The following DNMBP variants were observed in gnomAD, a reference collection of about 807,000 sequenced individuals.
The protein encoded by DNMBP is dynamin-binding protein.
In DNMBP, 87 loss-of-function variants were observed where a neutral mutation model predicts 150.0. That is an observed-to-expected ratio of 0.58 (90% CI 0.49 to 0.69). DNMBP has a LOEUF of 0.69. Among genes scored for constraint, DNMBP ranks in the 30% least tolerant of loss-of-function variants. The probability of loss-of-function intolerance (pLI) is 0.00; values close to 1 mark genes in which losing one functional copy is unlikely to be tolerated. For synonymous variants in DNMBP, 711 were observed against 750.4 expected, an observed-to-expected ratio of 0.95 and a Z score of 0.86; for missense variants, 1,774 against 1,949.0, an observed-to-expected ratio of 0.91 and a Z score of 1.69.
At chr10:99,906,969 A>G (rs1429082559) in intron 6 of DNMBP, among the ~76,000 whole-genome samples, 3 of 152,254 alleles carry the variant, frequency 2.0e-5, no homozygotes, top group Non-Finnish European at 4.4e-5. Flanking sequence ...AATGTCCCAC[A>G]TAAATGTATT....
rs113289059 is a variant in DNMBP, at chr10:99,950,109, T to C, written c.2260+5105A>G. On this transcript the variant is annotated intron_variant, in intron 4 of 16. Coordinates refer to ENST00000324109, the MANE Select transcript of DNMBP (RefSeq NM_015221.4). ...AATTGAATCATGGGGGGCAGGTCTT[T>C]CCTGTGCTGTTCTCGTGACTGAATA... Among the ~76,000 whole-genome samples, 1,340 of 152,228 alleles carry C rather than the reference T, an allele frequency of 8.8e-3. 19 individuals carry two copies. The highest frequency in any genetic ancestry group is 0.029 in the African/African-American group (1,224 of 41,530).
chr10:99,915,108 A>AAAATATATATATAT (rs10654940), intron 4 of DNMBP, among the ~76,000 whole-genome samples: 1 of 99,804 alleles, frequency 1.0e-5, no homozygotes, highest in African/African-American at 4.4e-5. Flanking sequence ...AAAAAAAAAA[A>AAAATATATATATAT]ATATATATAT....
At chr10:99,942,215 A>G (rs1439901267) in intron 4 of DNMBP, among the ~76,000 whole-genome samples, 2 of 152,212 alleles carry the variant, frequency 1.3e-5, no homozygotes, top group Non-Finnish European at 2.9e-5. Context: ...ATTATTTTTC[A>G]GAAGGTTTTC....
intron 12 of DNMBP, among the ~76,000 whole-genome samples, chr10:99,887,383 C>A (rs1196513722): frequency 1.3e-5 from 2 of 152,000 alleles, no homozygotes; most frequent in Non-Finnish European, 2.9e-5. Flanking sequence ...AAAAATTAGG[C>A]AGGTATGGTG....
chr10:99,951,867 T>A (rs1649536709), intron 4 of DNMBP, among the ~76,000 whole-genome samples: 1 of 152,158 alleles, frequency 6.6e-6, no homozygotes, highest in African/African-American at 2.4e-5. Flanking sequence ...GGGGGACTGT[T>A]GGGAAGGCAT....
chr10:99,941,283 C>T (rs1749785899), intron 4 of DNMBP, among the ~76,000 whole-genome samples: 1 of 152,160 alleles, frequency 6.6e-6, no homozygotes, highest in African/African-American at 2.4e-5. Flanking sequence ...CTTCCATATT[C>T]CTAAAGATTG....
chr10:99,892,189 C>G (rs1322096458), intron 11 of DNMBP, among the ~76,000 whole-genome samples: 1 of 146,864 alleles, frequency 6.8e-6, no homozygotes, highest in African/African-American at 2.6e-5. Context: ...CAGCCCCCTG[C>G]CCGGCCAGCC....
chr10:99,983,317 C>G (rs2040797784), intron 1 of DNMBP, among the ~76,000 whole-genome samples: 2 of 152,154 alleles, frequency 1.3e-5, no homozygotes, highest in African/African-American at 4.8e-5. Flanking sequence ...TACAAGAGCT[C>G]ATACAAGACA....
At chr10:99,915,404 T>C (rs116315113) in intron 4 of DNMBP, among the ~76,000 whole-genome samples, 1 of 144,616 alleles carries the variant, frequency 6.9e-6, no homozygotes, top group African/African-American at 2.6e-5. Context: ...ACAAAATAAT[T>C]AAAAAAAAAA....
chr10:99,882,909 T>TACAA (rs952268449), intron 15 of DNMBP, among the ~76,000 whole-genome samples: 1 of 151,796 alleles, frequency 6.6e-6, no homozygotes, highest in South Asian at 2.1e-4. Context: ...CTACAAAAAA[T>TACAA]ACAAACAGTT....
intron 4 of DNMBP, among the ~76,000 whole-genome samples, chr10:99,921,688 T>C (rs1389391590): frequency 8.9e-6 from 1 of 112,620 alleles, no homozygotes; most frequent in Non-Finnish European, 2.1e-5. Flanking sequence ...ACTCTGTCTC[T>C]ACTGAAAAAA....
chr10:99,953,842 C>T (rs12412659), intron 4 of DNMBP, among the ~76,000 whole-genome samples: 67,966 of 148,070 alleles, frequency 0.46, 16,607 homozygotes, highest in African/African-American at 0.62. Flanking sequence ...AAGAAATCTA[C>T]TCTCTGGACA....
intron 4 of DNMBP, among the ~76,000 whole-genome samples, chr10:99,950,029 C>T (rs1177371012): frequency 6.6e-6 from 1 of 152,166 alleles, no homozygotes; most frequent in Non-Finnish European, 1.5e-5. Flanking sequence ...GCTGTGTCCC[C>T]ACCCAAATCC....
rs969610012 is a variant in DNMBP at position 99,888,905 on chromosome 10, A to G, written c.3205T>C (p.Cys1069Arg). Residue 1069 changes from cysteine (C) to arginine (R), a missense_variant, in exon 12 of 17, where the codon TGC becomes CGC. Physicochemically the swap from Cys to Arg is radical, Grantham distance 180. This residue lies in a region of DNMBP where 1,430 missense variants were observed against 1,492.5 expected (regional missense o/e 0.96). Coordinates refer to ENST00000324109, the MANE Select transcript of DNMBP (RefSeq NM_015221.4). ...AGGTCCCGGTGTCCTCTCTCCATGCACACATCCCACATGCTCACAGCAGCC... is the reference window on the plus strand; with the variant it reads ...AGGTCCCGGTGTCCTCTCTCCATGCGCACATCCCACATGCTCACAGCAGCC... Reference protein sequence around the residue: ...VVAAVSMWDVCMERGHRDLEQ... With the variant: ...VVAAVSMWDVRMERGHRDLEQ... 1.2e-6 allele frequency: 2 copies of G among 1,614,174 alleles called. No individual in the cohort carries two copies. Among genetic ancestry groups the G allele is most frequent in the South Asian group, 1.1e-5 (1 of 91,082 alleles).
intron 1 of DNMBP, among the ~76,000 whole-genome samples, chr10:99,992,790 T>G (rs1372970574): frequency 6.6e-6 from 1 of 152,118 alleles, no homozygotes; most frequent in Non-Finnish European, 1.5e-5. Flanking sequence ...CCTCCCAAAG[T>G]GCTGGGATTA....
chr10:99,917,691 C>T (rs978736487), intron 4 of DNMBP, among the ~76,000 whole-genome samples: 5 of 152,046 alleles, frequency 3.3e-5, no homozygotes, highest in South Asian at 2.1e-4. Context: ...AGGGGCTGGG[C>T]GCGGTGGCTC....
chr10:99,898,361 A>T (rs1385001544), intron 8 of DNMBP, 76 bp from the exon 9 acceptor site: 1 of 1,311,978 alleles, frequency 7.6e-7, no homozygotes, highest in South Asian at 1.2e-5. Flanking sequence ...GTGAGACCCC[A>T]CCTTAAAAAA....
intron 1 of DNMBP, among the ~76,000 whole-genome samples, chr10:100,004,849 G>A (rs908182586): frequency 2.0e-5 from 3 of 152,184 alleles, no homozygotes; most frequent in South Asian, 2.1e-4. Flanking sequence ...ATGCCCAAAT[G>A]AGAAGACATC....
At chr10:99,877,383 C>T (rs1028698238) in intron 16 of DNMBP, 47 bp from the exon 17 acceptor site, 1 of 1,503,326 alleles carries the variant, frequency 6.7e-7, no homozygotes, top group South Asian at 1.3e-5. Context: ...GGAGCAATGC[C>T]ATCCAACAGC....
Sources: allele counts gnomAD v4.1 joint callset (sites outside exome capture counted in the v4.1 genomes callset), GRCh38; gene constraint gnomAD v4.1.1; regional missense constraint gnomAD v4.1.1; transcripts MANE v1.5; gene names NCBI Gene and HGNC (gene_info 2026-07-23, HGNC 2026-07-21).